The following NMT1 variants were observed in gnomAD, a reference collection of about 807,000 sequenced individuals.
The protein encoded by NMT1 is N-myristoyltransferase 1.
A neutral mutation model predicts 63.4 loss-of-function variants in NMT1; 12 were observed. That is an observed-to-expected ratio of 0.19 (90% CI 0.12 to 0.31). NMT1 has a LOEUF of 0.31. NMT1 is among the 10% of genes least tolerant of loss of function. The pLI is 1.00. For synonymous variants in NMT1, 228 were observed against 234.3 expected, an observed-to-expected ratio of 0.97 and a Z score of 0.25; for missense variants, 432 against 634.6, an observed-to-expected ratio of 0.68 and a Z score of 3.43.
At chr17:45,101,170 C>T (rs1459337110) in intron 8 of NMT1, among the ~76,000 whole-genome samples, 5 of 151,458 alleles carry the variant, frequency 3.3e-5, no homozygotes, top group East Asian at 2.0e-4. Flanking sequence ...GCCCACAGAG[C>T]GAGACTCCAT....
chr17:45,063,796 T>G (rs185443906), intron 1 of NMT1, among the ~76,000 whole-genome samples: 1 of 152,222 alleles, frequency 6.6e-6, no homozygotes, highest in Non-Finnish European at 1.5e-5. Flanking sequence ...CTCCGGAGAC[T>G]GAGGCAGGAG....
Position 45,096,197 on chromosome 17 carries a change from A to G in NMT1, c.508A>G (p.Lys170Glu). The G allele has an allele frequency of 1.2e-6, 2 of 1,612,302 alleles. No individual in the cohort carries two copies. The highest frequency in any genetic ancestry group is 1.7e-6 in the Non-Finnish European group (2 of 1,178,258). Residue 170 changes from lysine (K) to glutamate (E), a missense_variant, in exon 5 of 12, where the codon AAA (lysine) becomes GAA (glutamate). Lys to Glu is a moderately conservative substitution (Grantham distance 56). This residue lies in a region of NMT1 where 295 missense variants were observed against 489.7 expected (regional missense o/e 0.60). Transcript: ENST00000258960. Reference sequence around the variant, plus strand: ...TGAGCTGCTTATTTCTTTACAGCTAAAAGAACTGTACACCCTCCTGAATGA... The same window carrying G: ...TGAGCTGCTTATTTCTTTACAGCTAGAAGAACTGTACACCCTCCTGAATGA... ...ALDLGDRGVLKELYTLLNENY... is the reference protein window; with the variant it reads ...ALDLGDRGVLEELYTLLNENY...
chr17:45,072,058 C>T (rs1274005846), intron 1 of NMT1, among the ~76,000 whole-genome samples: 1 of 152,094 alleles, frequency 6.6e-6, no homozygotes, highest in Admixed American at 6.6e-5. Context: ...TCAAGACCAG[C>T]CTGGGCAACA....
At chr17:45,097,500 G>A (rs1188980789) in intron 6 of NMT1, among the ~76,000 whole-genome samples, 1 of 151,954 alleles carries the variant, frequency 6.6e-6, no homozygotes, top group Non-Finnish European at 1.5e-5. Context: ...CTCAGCAGAG[G>A]CTTGTTTTTG....
At chr17:45,090,567 CCT>C (rs1567868204) in intron 3 of NMT1, among the ~76,000 whole-genome samples, 1 of 152,048 alleles carries the variant, frequency 6.6e-6, no homozygotes, top group Non-Finnish European at 1.5e-5. Context: ...AGAAGCTTCC[CCT>C]CTCTTTTTCC....
intron 1 of NMT1, among the ~76,000 whole-genome samples, chr17:45,068,414 G>A (rs967815194): frequency 2.0e-5 from 3 of 152,202 alleles, no homozygotes; most frequent in Non-Finnish European, 4.4e-5. Flanking sequence ...AGAGGTTGCA[G>A]TGAGCCCAGA....
rs1264834130 is a variant in NMT1, at chr17:45,098,430, G to C, written c.762G>C (p.Leu254=). Residue 254 remains leucine, a synonymous_variant, in exon 7 of 12, where the codon CTG becomes CTC. Coordinates refer to ENST00000258960, the MANE Select transcript of NMT1 (RefSeq NM_021079.5). Reference sequence around the variant, plus strand: ...ACTTCCTGTGTGTCCACAAGAAGCTGCGTTCCAAGAGGGTTGCTCCAGTTC... The same window carrying C: ...ACTTCCTGTGTGTCCACAAGAAGCTCCGTTCCAAGAGGGTTGCTCCAGTTC... ...EINFLCVHKK[L]RSKRVAPVLI... is the part of the protein sequence containing the mutation. The C allele has an allele frequency of 6.2e-7, 1 of 1,614,108 alleles. No individual in the cohort carries two copies. Among genetic ancestry groups the C allele is most frequent in the African/African-American group, 1.3e-5 (1 of 74,934 alleles).
rs1170526700 is a variant in NMT1 at position 45,086,633 on chromosome 17, G to A, written c.366G>A (p.Thr122=). 1.2e-6 allele frequency: 2 copies of A among 1,611,846 alleles called. No individual in the cohort carries two copies. The highest frequency in any genetic ancestry group is 1.7e-5 in the Admixed American group (1 of 59,596). The change falls in exon 3 of 12, where the codon ACG becomes ACA. Residue 122 remains threonine, a synonymous_variant. Coordinates refer to ENST00000258960, the MANE Select transcript of NMT1 (RefSeq NM_021079.5). ...AGCGAAGCTACCAGTTCTGGGATAC[G>A]CAGCCCGTCCCCAAGCTGGGTATGT... ...ASKRSYQFWD[T]QPVPKLGEVV...
At chr17:45,090,350 C>T (rs748897677) in intron 3 of NMT1, among the ~76,000 whole-genome samples, 5 of 152,160 alleles carry the variant, frequency 3.3e-5, no homozygotes, top group Admixed American at 3.3e-4. Context: ...GTCTGTGTAA[C>T]AACTGTAAGA....
chr17:45,087,912 A>G (rs764335129), intron 3 of NMT1, among the ~76,000 whole-genome samples: 3 of 152,232 alleles, frequency 2.0e-5, no homozygotes, highest in Non-Finnish European at 4.4e-5. Flanking sequence ...GCAGACCTGC[A>G]GGATGGGCAT....
chr17:45,096,092 G>T, intron 4 of NMT1, 102 bp from the exon 5 acceptor site: 1 of 872,268 alleles, frequency 1.1e-6, no homozygotes, highest in African/African-American at 1.7e-5. Context: ...GTCGTTTTTG[G>T]TAGTTTGCTT....
At chr17:45,083,180 G>A (rs35173750) in intron 2 of NMT1, among the ~76,000 whole-genome samples, 5 of 151,498 alleles carry the variant, frequency 3.3e-5, no homozygotes, top group Admixed American at 6.6e-5. Context: ...TTAGCCAGGC[G>A]TGGTGGCACG....
rs138363582 is a variant in NMT1, at chr17:45,075,555, G to T, written c.132-6089G>T. On this transcript the variant is annotated intron_variant, in intron 1 of 11. Transcript: ENST00000258960. ...CCAGCACTTTGGGAGGCCAAGGCTG[G>T]CAGATCATGAGGTCAGGAGTTCAAG... 8.3e-3 allele frequency among the ~76,000 whole-genome samples: 1,261 copies of T among 151,982 alleles called. 13 individuals are homozygous for T. The highest frequency in any genetic ancestry group is 0.028 in the East Asian group (146 of 5,170).
chr17:45,071,440 G>A (rs2053938929), intron 1 of NMT1: 1 of 152,166 alleles, frequency 6.6e-6, no homozygotes, highest in East Asian at 1.9e-4. Flanking sequence ...AAAACAAGTG[G>A]TGGCTGGTCC....
At chr17:45,081,610 T>A (rs536053629) in intron 1 of NMT1, 34 bp from the exon 2 acceptor site, 4 of 1,571,372 alleles carry the variant, frequency 2.5e-6, no homozygotes, top group East Asian at 2.2e-5. Flanking sequence ...AGATTTTTTT[T>A]AAACCCTGCA....
rs898846971 is a variant in NMT1, at chr17:45,107,157, C to G, written c.*1518C>G. 3.9e-5 allele frequency: 6 copies of G among 152,236 alleles called. No individual in the cohort carries two copies. Among genetic ancestry groups the G allele is most frequent in the African/African-American group, 1.4e-4 (6 of 41,444 alleles). The allele number at this position is 152,236 out of a possible 1,614,324, so 9.4% of individuals were successfully genotyped here. On this transcript the variant is annotated 3_prime_UTR_variant, in exon 12 of 12. Coordinates refer to ENST00000258960, the MANE Select transcript of NMT1 (RefSeq NM_021079.5). ...GCCAGGCTCAGCCCTGTGCCACTCA[C>G]CGAAGCCACTTTCTACAGGCCAGCA...
chr17:45,100,356 G>C (rs1050555166), intron 8 of NMT1, among the ~76,000 whole-genome samples: 64 of 151,978 alleles, frequency 4.2e-4, no homozygotes, highest in African/African-American at 1.5e-3. Context: ...CACGAGATCA[G>C]GAGATCAAGA....
intron 1 of NMT1, among the ~76,000 whole-genome samples, chr17:45,080,091 T>C (rs1349509267): frequency 1.3e-5 from 2 of 152,102 alleles, no homozygotes; most frequent in African/African-American, 4.8e-5. Flanking sequence ...TTGCCAGTGG[T>C]GATCCCTCAG....
At chr17:45,088,109 C>T (rs1296203575) in intron 3 of NMT1, among the ~76,000 whole-genome samples, 1 of 152,214 alleles carries the variant, frequency 6.6e-6, no homozygotes, top group East Asian at 1.9e-4. Context: ...TGAGGGAGAG[C>T]AGAGCACTGC....
Sources: allele counts gnomAD v4.1 joint callset (sites outside exome capture counted in the v4.1 genomes callset), GRCh38; gene constraint gnomAD v4.1.1; regional missense constraint gnomAD v4.1.1; transcripts MANE v1.5; gene names NCBI Gene and HGNC (gene_info 2026-07-23, HGNC 2026-07-21).